Variants in RALGPS2 observed in about 807,000 individuals in gnomAD.
The protein encoded by RALGPS2 is Ral GEF with PH domain and SH3 binding motif 2, also known as ras-specific guanine nucleotide-releasing factor RalGPS2.
A neutral mutation model predicts 86.8 loss-of-function variants in RALGPS2; 43 were observed. The observed-to-expected ratio is 0.50, with a 90% confidence interval of 0.39 to 0.64. RALGPS2 has a LOEUF of 0.64. Among genes scored for constraint, RALGPS2 ranks in the 30% least tolerant of loss-of-function variants. The pLI is 0.00. For synonymous variants in RALGPS2, 243 were observed against 231.3 expected (o/e 1.05, Z -0.46); for missense variants, 536 against 694.6 (o/e 0.77, Z 2.57).
At chr1:178,774,361 T>TGTAATA (rs1173139484) in intron 1 of RALGPS2, among the ~76,000 whole-genome samples, 2 of 152,232 alleles carry the variant, frequency 1.3e-5, no homozygotes, top group Non-Finnish European at 2.9e-5. Flanking sequence ...TGTATTACAT[T>TGTAATA]TTTTTAAGTA....
chr1:178,731,114 T>C (rs948249064), intron 1 of RALGPS2, among the ~76,000 whole-genome samples: 1 of 151,918 alleles, frequency 6.6e-6, no homozygotes, highest in Non-Finnish European at 1.5e-5. Context: ...CAAGAAAGAG[T>C]ATATGAAGAG....
intron 8 of RALGPS2, among the ~76,000 whole-genome samples, chr1:178,868,477 A>G (rs948476532): frequency 6.6e-6 from 1 of 152,028 alleles, no homozygotes; most frequent in Non-Finnish European, 1.5e-5. Flanking sequence ...AACAAGGAAA[A>G]TGCAGGAAGT....
chr1:178,889,703 T>G lies in RALGPS2; in HGVS notation c.1247+7T>G, dbSNP rs1659639984. On this transcript the variant is annotated splice_region_variant and intron_variant, in intron 14 of 19. Transcript: ENST00000367635. ...CATGGCCTGCTTTTGAAAGGTAAGA[T>G]AAATTGTCCATTTGAACTACTTGGA... 1.9e-6 allele frequency: 3 copies of G among 1,598,076 alleles called. No individual in the cohort carries two copies. Among genetic ancestry groups the G allele is most frequent in the Non-Finnish European group, 1.7e-6 (2 of 1,169,450 alleles).
intron 1 of RALGPS2, chr1:178,747,100 C>A: frequency 1.1e-6 from 1 of 888,644 alleles, no homozygotes. Context: ...TTCTTATGTT[C>A]AGTAACACTT....
chr1:178,916,225 T>A, intron 19 of RALGPS2, 105 bp from the exon 20 acceptor site: 1 of 864,406 alleles, frequency 1.2e-6, no homozygotes, highest in Non-Finnish European at 1.8e-6. Context: ...TTTTAAAAGA[T>A]ACTTAAGTAG....
At chr1:178,912,923 T>C (rs1241727959) in intron 19 of RALGPS2, among the ~76,000 whole-genome samples, 1 of 152,160 alleles carries the variant, frequency 6.6e-6, no homozygotes, top group Non-Finnish European at 1.5e-5. Flanking sequence ...GAAGGAGTGC[T>C]CTTCGAGTTC....
intron 4 of RALGPS2, among the ~76,000 whole-genome samples, chr1:178,786,346 C>CAA (rs1279408783): frequency 6.6e-6 from 1 of 152,156 alleles, no homozygotes; most frequent in Admixed American, 6.5e-5. Flanking sequence ...AACTGGGTTT[C>CAA]ACCACTAACT....
intron 10 of RALGPS2, 59 bp downstream of exon 10, chr1:178,879,051 C>G: frequency 6.4e-7 from 1 of 1,574,550 alleles, no homozygotes; most frequent in East Asian, 2.3e-5. Flanking sequence ...ACCTTTCTAT[C>G]CCTATGTATT....
chr1:178,768,284 G>T (rs1314978312), intron 1 of RALGPS2, among the ~76,000 whole-genome samples: 1 of 152,094 alleles, frequency 6.6e-6, no homozygotes, highest in African/African-American at 2.4e-5. Flanking sequence ...CCTTGTGTTG[G>T]TTCCTTCTCA....
chr1:178,797,985 T>TAA (rs57049056), intron 4 of RALGPS2, among the ~76,000 whole-genome samples: 7,710 of 95,234 alleles, frequency 0.081, 450 homozygotes, highest in African/African-American at 0.16. Context: ...CAACAATTTG[T>TAA]AAAAAAAAAA....
At chr1:178,827,416 A>G (rs965624020) in intron 7 of RALGPS2, among the ~76,000 whole-genome samples, 15 of 133,416 alleles carry the variant, frequency 1.1e-4, no homozygotes, top group African/African-American at 4.4e-4. Context: ...TTTTTTTGAG[A>G]CGGAGTCTCG....
rs114983098 is a variant in RALGPS2 at position 178,747,581 on chromosome 1, G to A, written c.-84+22162G>A. 1.6e-3 allele frequency: 2,578 copies of A among 1,610,056 alleles called. 50 individuals are homozygous for A. The African/African-American group carries it at 0.03, about 19-fold the overall frequency. On this transcript the variant is annotated intron_variant, in intron 1 of 19. Transcript: ENST00000367635. Reference sequence around the variant, plus strand: ...GAAATGGCAGCATGTGTTAGGAAGTGGACCCTGTGTTAAGATGTAACTCCT... The same window carrying A: ...GAAATGGCAGCATGTGTTAGGAAGTAGACCCTGTGTTAAGATGTAACTCCT...
chr1:178,803,413 A>G (rs913764291), intron 4 of RALGPS2, among the ~76,000 whole-genome samples: 4 of 152,200 alleles, frequency 2.6e-5, no homozygotes, highest in Non-Finnish European at 5.9e-5. Context: ...GTAATTGGCT[A>G]AAAACGAATT....
intron 16 of RALGPS2, 43 bp downstream of exon 16, chr1:178,894,067 A>T (rs1015561181): frequency 1.7e-6 from 2 of 1,166,402 alleles, no homozygotes; most frequent in East Asian, 2.4e-5. Context: ...CTCTAAAAAT[A>T]TGCAAATTTA....
At chr1:178,730,712 T>G (rs1410210138) in intron 1 of RALGPS2, among the ~76,000 whole-genome samples, 1 of 151,958 alleles carries the variant, frequency 6.6e-6, no homozygotes, top group Non-Finnish European at 1.5e-5. Flanking sequence ...TTTTGTTTTT[T>G]TTTTTGAGAC....
At chr1:178,879,788 T>TAAAAAA (rs66682956) in intron 10 of RALGPS2, 1 of 104,086 alleles carries the variant, frequency 9.6e-6, no homozygotes, top group African/African-American at 3.4e-5. Context: ...AAACTCCGTC[T>TAAAAAA]AAAAAAAAAA....
chr1:178,818,498 G>A (rs562561405), intron 6 of RALGPS2, among the ~76,000 whole-genome samples: 38 of 152,288 alleles, frequency 2.5e-4, no homozygotes, highest in Non-Finnish European at 5.4e-4. Flanking sequence ...ACTTTGTATG[G>A]TACAGGCCCC....
At chr1:178,877,191 C>T (rs1179373803) in intron 8 of RALGPS2, among the ~76,000 whole-genome samples, 3 of 152,054 alleles carry the variant, frequency 2.0e-5, no homozygotes, top group South Asian at 4.1e-4. Flanking sequence ...AGCTCCTTTC[C>T]ATTAATTCCC....
At chr1:178,826,294 A>T (rs59548221) in intron 7 of RALGPS2, among the ~76,000 whole-genome samples, 2,313 of 152,308 alleles carry the variant, frequency 0.015, 55 homozygotes, top group African/African-American at 0.052. Context: ...GGTAGAAACA[A>T]CCCAAACATC....
Sources: gnomAD v4.1 joint callset for allele counts (sites outside exome capture counted in the v4.1 genomes callset) on GRCh38, gnomAD v4.1.1 for gene constraint, MANE v1.5 for transcripts, NCBI Gene and HGNC (gene_info 2026-07-23, HGNC 2026-07-21) for gene names.